Variants in SGCD observed in about 807,000 individuals in gnomAD.
The protein encoded by SGCD is sarcoglycan delta.
In SGCD, 18 loss-of-function variants were observed where a neutral mutation model predicts 36.6. The ratio of observed to expected loss-of-function variants is 0.49; its 90% confidence interval spans 0.34 to 0.73. The LOEUF is 0.73. SGCD is among the 30% of genes least tolerant of loss of function. The pLI is 0.01. For synonymous variants in SGCD, 133 were observed against 130.6 expected (o/e 1.02, Z -0.12); for missense variants, 387 against 346.7 (o/e 1.12, Z -0.92).
chr5:155,781,046 C>T, the SGCD span, among the ~76,000 whole-genome samples: 1 of 152,074 alleles, frequency 6.6e-6, no homozygotes, highest in African/African-American at 2.4e-5. Context: ...CAGTTTCTTT[C>T]AGAAGTCAAG....
At position 156,192,480 on chromosome 5, in the gene SGCD, G is replaced by C. The variant is rs146406992; in HGVS notation, c.-44+68461G>C. On this transcript the variant is annotated intron_variant, in intron 3 of 9. Coordinates refer to the SGCD transcript ENST00000517913. ...TACCAAAGGCTGGGAAGTGTATGGG[G>C]GTACAGGAGGGGAATGAAGAGAGGT... 2.5e-3 allele frequency among the ~76,000 whole-genome samples: 387 copies of C among 152,136 alleles called. 1 individual carries two copies. The highest frequency in any genetic ancestry group is 9.0e-3 in the African/African-American group (374 of 41,542).
intron 3 of SGCD, among the ~76,000 whole-genome samples, chr5:156,302,140 C>CA (rs1278435328): frequency 6.6e-6 from 1 of 152,048 alleles, no homozygotes; most frequent in Non-Finnish European, 1.5e-5. Flanking sequence ...GCCAATAACT[C>CA]TTAGTTTTGC....
the SGCD span, among the ~76,000 whole-genome samples, chr5:155,792,277 G>A: frequency 6.6e-6 from 1 of 151,936 alleles, no homozygotes; most frequent in Non-Finnish European, 1.5e-5. Flanking sequence ...AGATTTAAAT[G>A]TAAGACCTCA....
intron 4 of SGCD, among the ~76,000 whole-genome samples, chr5:156,565,221 GT>G (rs1561782049): frequency 6.6e-6 from 1 of 152,040 alleles, no homozygotes. Flanking sequence ...GCTTATTTGG[GT>G]TGTATTTAGG....
At chr5:156,296,025 G>C (rs564562297) in intron 3 of SGCD, among the ~76,000 whole-genome samples, 3 of 152,198 alleles carry the variant, frequency 2.0e-5, no homozygotes, top group Non-Finnish European at 4.4e-5. Context: ...GAGAGAATGG[G>C]ACCTGTGAGC....
intron 1 of SGCD, among the ~76,000 whole-genome samples, chr5:156,031,030 C>T (rs779920310): frequency 2.0e-5 from 3 of 152,200 alleles, no homozygotes; most frequent in Non-Finnish European, 2.9e-5. Flanking sequence ...CTGTCACCAT[C>T]TACTCAGTAG....
chr5:156,203,741 G>A (rs528411655), intron 3 of SGCD, among the ~76,000 whole-genome samples: 56 of 152,246 alleles, frequency 3.7e-4, no homozygotes, highest in African/African-American at 1.2e-3. Flanking sequence ...GCCAACTGCT[G>A]AAATAACTTG....
At chr5:156,137,159 T>A (rs1762480334) in intron 3 of SGCD, among the ~76,000 whole-genome samples, 1 of 152,070 alleles carries the variant, frequency 6.6e-6, no homozygotes, top group Non-Finnish European at 1.5e-5. Flanking sequence ...CTCAAGGGGG[T>A]AGTTACAGCT....
chr5:156,614,997 A>T (rs1761966831), intron 6 of SGCD, among the ~76,000 whole-genome samples: 1 of 152,222 alleles, frequency 6.6e-6, no homozygotes, highest in South Asian at 2.1e-4. Context: ...GGTCTCTGGC[A>T]CAAAAGAATT....
At chr5:155,878,348 G>T (rs564428906) in intron 1 of SGCD, among the ~76,000 whole-genome samples, 5 of 152,000 alleles carry the variant, frequency 3.3e-5, no homozygotes, top group Non-Finnish European at 7.4e-5. Flanking sequence ...ATGTTGGCTT[G>T]TCCTCTTACG....
intron 4 of SGCD, among the ~76,000 whole-genome samples, chr5:156,576,908 C>G (rs889580035): frequency 2.0e-5 from 3 of 152,132 alleles, no homozygotes; most frequent in Non-Finnish European, 4.4e-5. Context: ...TGTGCAGAAG[C>G]TCTTTAGTTT....
intron 3 of SGCD, among the ~76,000 whole-genome samples, chr5:156,132,554 C>T (rs1301450022): frequency 8.2e-5 from 12 of 146,196 alleles, no homozygotes; most frequent in Admixed American, 4.2e-4. Flanking sequence ...CTGCAAGCTC[C>T]GCCTCTTGGG....
At chr5:156,657,183 C>G (rs764005800) in intron 7 of SGCD, among the ~76,000 whole-genome samples, 7 of 151,680 alleles carry the variant, frequency 4.6e-5, no homozygotes, top group Admixed American at 3.3e-4. Context: ...ACACCACTGA[C>G]AGTTACAGTA....
chr5:155,766,043 G>A, the SGCD span, among the ~76,000 whole-genome samples: 5 of 152,108 alleles, frequency 3.3e-5, no homozygotes, highest in Non-Finnish European at 7.4e-5. Flanking sequence ...CAGGGTGAGG[G>A]GACTTGGACT....
At chr5:156,470,166 C>A (rs2127826585) in intron 3 of SGCD, among the ~76,000 whole-genome samples, 1 of 152,230 alleles carries the variant, frequency 6.6e-6, no homozygotes, top group East Asian at 1.9e-4. Context: ...TCATTTATTT[C>A]TTGAGAACAT....
intron 3 of SGCD, among the ~76,000 whole-genome samples, chr5:156,160,495 C>T (rs1561544636): frequency 2.6e-5 from 4 of 151,702 alleles, no homozygotes; most frequent in East Asian, 1.9e-4. Flanking sequence ...AAATCAACAA[C>T]TGTAACAAAT....
At chr5:156,581,934 G>A (rs1209961919) in intron 4 of SGCD, among the ~76,000 whole-genome samples, 1 of 152,094 alleles carries the variant, frequency 6.6e-6, no homozygotes, top group Non-Finnish European at 1.5e-5. Context: ...TGCACCCACT[G>A]TCCAACCAGT....
intron 1 of SGCD, among the ~76,000 whole-genome samples, chr5:155,902,661 T>C (rs1580981288): frequency 1.3e-5 from 2 of 152,182 alleles, no homozygotes; most frequent in East Asian, 3.9e-4. Flanking sequence ...TATCTGCAAC[T>C]TGGAGATGAT....
At chr5:156,749,172 A>G (rs56261607) in intron 7 of SGCD, among the ~76,000 whole-genome samples, 2,008 of 152,308 alleles carry the variant, frequency 0.013, 13 homozygotes, top group Non-Finnish European at 0.023. Context: ...AGAAATCTAT[A>G]CTAATAAATC....
Sources: allele counts gnomAD v4.1 joint callset (sites outside exome capture counted in the v4.1 genomes callset), GRCh38; gene constraint gnomAD v4.1.1; transcripts MANE v1.5; gene names NCBI Gene and HGNC (gene_info 2026-07-23, HGNC 2026-07-21).